ZFHX3: variants seen among roughly 807,000 people sequenced by gnomAD.
ZFHX3 encodes the protein zinc finger homeobox 3.
A neutral mutation model predicts 279.1 loss-of-function variants in ZFHX3; 42 were observed. The ratio of observed to expected loss-of-function variants is 0.15; its 90% confidence interval spans 0.12 to 0.19. The LOEUF is 0.19. ZFHX3 is among the 10% of genes least tolerant of loss of function. ZFHX3 has a pLI of 1.00. For missense variants in ZFHX3, 4,981 were observed against 4,754.0 expected (o/e 1.05, Z -1.40); for synonymous variants, 2,293 against 1,957.8 (o/e 1.17, Z -4.52).
chr16:73,761,245 A>C (rs2053862934), intron 1 of ZFHX3, among the ~76,000 whole-genome samples: 1 of 152,136 alleles, frequency 6.6e-6, no homozygotes, highest in African/African-American at 2.4e-5. Context: ...TTGCTACAAA[A>C]AAAAATAAAA....
chr16:73,889,766 G>C (rs1317738978), intron 1 of ZFHX3, among the ~76,000 whole-genome samples: 1 of 152,118 alleles, frequency 6.6e-6, no homozygotes, highest in African/African-American at 2.4e-5. Context: ...TTTTCTTGAA[G>C]TTGACAGCGG....
intron 5 of ZFHX3, among the ~76,000 whole-genome samples, chr16:72,827,630 A>G (rs2036965645): frequency 2.6e-5 from 4 of 152,338 alleles, no homozygotes; most frequent in Admixed American, 2.6e-4. Context: ...CTCTCATTCA[A>G]CGTTGAGGCA....
intron 8 of ZFHX3, among the ~76,000 whole-genome samples, chr16:73,076,348 G>C (rs1285308432): frequency 6.6e-6 from 1 of 152,176 alleles, no homozygotes; most frequent in Non-Finnish European, 1.5e-5. Context: ...GTTAGTACTG[G>C]GAAGTGGAGC....
At chr16:73,003,328 A>C (rs1193538229) in intron 1 of ZFHX3, among the ~76,000 whole-genome samples, 5 of 151,932 alleles carry the variant, frequency 3.3e-5, no homozygotes, top group African/African-American at 9.7e-5. Context: ...AAAAAAAAAA[A>C]AAAACCATCA....
At chr16:73,469,627 AT>A (rs763176124) in intron 2 of ZFHX3, among the ~76,000 whole-genome samples, 1 of 149,856 alleles carries the variant, frequency 6.7e-6, no homozygotes, top group East Asian at 2.0e-4. Flanking sequence ...ATATATATAT[AT>A]TTTTTTTGAG....
intron 7 of ZFHX3, among the ~76,000 whole-genome samples, chr16:73,120,729 A>G (rs1002910866): frequency 1.5e-5 from 2 of 134,266 alleles, no homozygotes; most frequent in African/African-American, 5.8e-5. Flanking sequence ...ATCTTGGCTC[A>G]CTGCACCCTC....
rs556140677 is a variant in ZFHX3, at chr16:73,673,375, T to A, written c.-1547+6805A>T. ...TTGTTTCATATGTATGAAATATTAC[T>A]AATAAAAATAGTCCCCCCAAAATCA... On this transcript the variant is annotated intron_variant, in intron 2 of 17. Coordinates refer to the ZFHX3 transcript ENST00000641206. Among the ~76,000 whole-genome samples the A allele has an allele frequency of 7.8e-4, 119 of 152,290 alleles. 2 individuals are homozygous for A. The South Asian group carries it at 0.024, about 31-fold the overall frequency.
chr16:73,863,782 G>T (rs1961941941), intron 1 of ZFHX3, among the ~76,000 whole-genome samples: 1 of 152,080 alleles, frequency 6.6e-6, no homozygotes, highest in South Asian at 2.1e-4. Context: ...ATCATATTCA[G>T]GAAGAGCTCA....
Position 72,786,644 on chromosome 16 carries a change from A to C in ZFHX3, c.*520T>G, listed in dbSNP as rs1288180508. The C allele has an allele frequency of 6.6e-6, 1 of 152,176 alleles. No individual in the cohort carries two copies. The highest frequency in any genetic ancestry group is 1.9e-4 in the East Asian group (1 of 5,200). The allele number at this position is 152,176 out of a possible 1,614,324, so 9.4% of individuals were successfully genotyped here. A position where few individuals can be genotyped will look rare whatever the true frequency, so the allele number is the denominator to read the frequency against. The stretch of plus-strand genomic sequence containing the variant: ...TATAAAACAATGATTCTGAAAACAA[A>C]GTGTGAGCGATTGACCTGAGAATAA... On this transcript the variant is annotated 3_prime_UTR_variant, in exon 10 of 10. Coordinates refer to ENST00000268489, the MANE Select transcript of ZFHX3 (RefSeq NM_006885.4).
intron 4 of ZFHX3, among the ~76,000 whole-genome samples, chr16:72,874,590 T>C (rs1295715608): frequency 1.3e-5 from 2 of 152,144 alleles, no homozygotes. Flanking sequence ...GGATGTCTGC[T>C]GACTCAGTGG....
At chr16:73,315,298 T>G (rs140399147) in intron 4 of ZFHX3, among the ~76,000 whole-genome samples, 65 of 152,188 alleles carry the variant, frequency 4.3e-4, no homozygotes, top group Middle Eastern at 3.4e-3. Context: ...CAGCTTCCCC[T>G]ATGTGGTGGA....
intron 1 of ZFHX3, among the ~76,000 whole-genome samples, chr16:73,858,106 A>AAAAG (rs1555505344): frequency 2.0e-5 from 3 of 151,796 alleles, no homozygotes; most frequent in African/African-American, 7.3e-5. Flanking sequence ...AAAAAAAAAA[A>AAAAG]AAGAAGAAGA....
chr16:73,397,621 T>C (rs2017156178), intron 3 of ZFHX3, among the ~76,000 whole-genome samples: 1 of 152,036 alleles, frequency 6.6e-6, no homozygotes, highest in Non-Finnish European at 1.5e-5. Flanking sequence ...CAGTGAGCAG[T>C]GATGGTGGCT....
chr16:73,429,596 G>C lies in ZFHX3; in HGVS notation c.-1291+26407C>G, dbSNP rs541384376. 1.2e-4 allele frequency among the ~76,000 whole-genome samples: 18 copies of C among 152,258 alleles called. No homozygotes were observed. The South Asian group carries it at 2.1e-3, about 18-fold the overall frequency. Reference sequence around the variant, plus strand: ...GATTCGCCTGTCCTGGCCTCCCAAAGTGCTGGGATCACGGGCATGAGCCAC... The same window carrying C: ...GATTCGCCTGTCCTGGCCTCCCAAACTGCTGGGATCACGGGCATGAGCCAC... On this transcript the variant is annotated intron_variant, in intron 3 of 17. Coordinates refer to the ZFHX3 transcript ENST00000641206.
chr16:73,786,177 A>ATT (rs34556370), intron 1 of ZFHX3, among the ~76,000 whole-genome samples: 5 of 147,794 alleles, frequency 3.4e-5, no homozygotes, highest in Admixed American at 6.8e-5. Context: ...AGCCAGAATG[A>ATT]TTTTTTTTTT....
At chr16:73,607,159 G>T (rs1044876556) in intron 2 of ZFHX3, among the ~76,000 whole-genome samples, 19 of 152,174 alleles carry the variant, frequency 1.2e-4, no homozygotes, top group African/African-American at 4.3e-4. Context: ...CTCCTGAGTA[G>T]CCGGGATCAC....
At chr16:73,748,065 C>CA (rs1353593483) in intron 1 of ZFHX3, among the ~76,000 whole-genome samples, 2 of 152,202 alleles carry the variant, frequency 1.3e-5, no homozygotes, top group Non-Finnish European at 2.9e-5. Flanking sequence ...ATAGTCTATC[C>CA]AGTGGGTTGT....
chr16:73,294,005 A>AC (rs1363586658), intron 4 of ZFHX3: 3 of 151,468 alleles, frequency 2.0e-5, no homozygotes, highest in African/African-American at 7.3e-5. Context: ...AAAAAAAAAA[A>AC]AAAAAAAACC....
At position 73,472,987 on chromosome 16, in the gene ZFHX3, C is replaced by CT. The variant is rs200651358; in HGVS notation, c.-1546-16730dup. On this transcript the variant is annotated intron_variant, in intron 2 of 17. Coordinates refer to the ZFHX3 transcript ENST00000641206. The stretch of plus-strand genomic sequence containing the variant: ...TAAACTAACACATTGAGTGTGCTGT[C>CT]TTTTTTTTTTTTTTGCCAGGACCCT... Among the ~76,000 whole-genome samples, 479 of 143,012 alleles carry CT rather than the reference C, an allele frequency of 3.3e-3. 1 individual carries two copies. The highest frequency in any genetic ancestry group is 8.9e-3 in the East Asian group (44 of 4,920). The allele number at this position is 143,012 out of a possible 152,430, so 93.8% of individuals were successfully genotyped here.
Sources: allele counts gnomAD v4.1 joint callset (sites outside exome capture counted in the v4.1 genomes callset), GRCh38; gene constraint gnomAD v4.1.1; transcripts MANE v1.5; gene names NCBI Gene and HGNC (gene_info 2026-07-23, HGNC 2026-07-21).